Variants in BUB1B observed in about 807,000 individuals in gnomAD.
The protein encoded by BUB1B is mitotic checkpoint serine/threonine-protein kinase BUB1 beta.
Under a neutral mutation model 137.7 loss-of-function variants are expected in BUB1B, and 86 were observed. The observed-to-expected ratio is 0.62, with a 90% CI of 0.52 to 0.75. The LOEUF (loss-of-function observed/expected upper bound fraction) is 0.75. BUB1B is among the 30% of genes least tolerant of loss of function. The probability of loss-of-function intolerance (pLI) is 0.00; values close to 1 mark genes in which losing one functional copy is unlikely to be tolerated. For synonymous variants in BUB1B, 420 were observed against 417.9 expected, an observed-to-expected ratio of 1.00 and a Z score of -0.06; for missense variants, 1,130 against 1,236.9, an observed-to-expected ratio of 0.91 and a Z score of 1.30.
Position 40,214,451 on chromosome 15 carries a change from A to G in BUB1B, c.2678+977A>G, listed in dbSNP as rs1204005625. On this transcript the variant is annotated intron_variant, in intron 20 of 22. Transcript: ENST00000287598. ...TCATTGGTGTTATAGTATTTGAGTA[A>G]AAGCAGCCTGGTTTAAAGATGCTGT... is the stretch of plus-strand genomic sequence containing the variant. Among the ~76,000 whole-genome samples, 2 of 152,148 alleles carry G rather than the reference A, an allele frequency of 1.3e-5. 1 individual carries two copies. The highest frequency in any genetic ancestry group is 2.9e-5 in the Non-Finnish European group (2 of 68,012).
chr15:40,217,765 C>G (rs183886569), intron 21 of BUB1B, 98 bp downstream of exon 21: 6 of 1,389,798 alleles, frequency 4.3e-6, no homozygotes, highest in Non-Finnish European at 6.1e-6. Context: ...GATACCGACT[C>G]CTAGAATAGA....
chr15:40,214,940 T>C (rs980995784), intron 20 of BUB1B, among the ~76,000 whole-genome samples: 1 of 149,300 alleles, frequency 6.7e-6, no homozygotes, highest in Non-Finnish European at 1.5e-5. Flanking sequence ...ATATTTTCAC[T>C]CTACTTAACA....
At chr15:40,173,864 A>T (rs2037193859) in intron 4 of BUB1B, 1 of 378,930 alleles carries the variant, frequency 2.6e-6, no homozygotes, top group South Asian at 2.0e-5. Context: ...AATTCTTCAC[A>T]CTACTTTCTT....
intron 22 of BUB1B, among the ~76,000 whole-genome samples, chr15:40,219,551 C>G (rs984017663): frequency 1.3e-4 from 20 of 152,100 alleles, no homozygotes; most frequent in Non-Finnish European, 2.4e-4. Context: ...AACCTTGTCT[C>G]TACTCAAAAT....
chr15:40,188,582 C>CTTTT (rs773801578), intron 8 of BUB1B, among the ~76,000 whole-genome samples: 1 of 121,724 alleles, frequency 8.2e-6, no homozygotes, highest in Non-Finnish European at 1.7e-5. Context: ...TTTAAGTTTT[C>CTTTT]TTTTTTTTTT....
intron 2 of BUB1B, among the ~76,000 whole-genome samples, chr15:40,166,011 C>A (rs1323239626): frequency 6.6e-6 from 1 of 152,130 alleles, no homozygotes; most frequent in African/African-American, 2.4e-5. Flanking sequence ...CGCCGCCACG[C>A]CTGGGTAATT....
chr15:40,217,372 C>T lies in BUB1B; in HGVS notation c.2679-124C>T. 3.0e-6 allele frequency: 3 copies of T among 998,018 alleles called. No homozygotes were observed. In the South Asian group the frequency reaches 4.0e-5, roughly 13 times the overall value. 61.8% of individuals were successfully genotyped at this position (998,018 alleles called of 1,614,324 possible). ...CTTACAGGTGCATTTTCAAAATTAA[C>T]CACTGGAGGGAGTTGTTGGCATAGC... is the stretch of plus-strand genomic sequence containing the variant. On this transcript the variant is annotated intron_variant, in intron 20 of 22. Transcript: ENST00000287598.
chr15:40,184,586 G>A (rs2140890346), intron 6 of BUB1B, among the ~76,000 whole-genome samples: 1 of 152,064 alleles, frequency 6.6e-6, no homozygotes, highest in East Asian at 1.9e-4. Flanking sequence ...AAACCAGGCT[G>A]TTTTTTTAAT....
intron 2 of BUB1B, among the ~76,000 whole-genome samples, chr15:40,169,090 T>TA (rs1466708892): frequency 8.5e-5 from 13 of 152,350 alleles, no homozygotes. Flanking sequence ...ATCCAATTTT[T>TA]ATTAATCATT....
At chr15:40,188,582 C>CTTTTTTTT (rs773801578) in intron 8 of BUB1B, among the ~76,000 whole-genome samples, 1 of 121,730 alleles carries the variant, frequency 8.2e-6, no homozygotes. Context: ...TTTAAGTTTT[C>CTTTTTTTT]TTTTTTTTTT....
At chr15:40,212,474 A>T in intron 18 of BUB1B, 25 bp from the exon 19 acceptor site, 1 of 1,602,106 alleles carries the variant, frequency 6.2e-7, no homozygotes. Flanking sequence ...AACTGAACTT[A>T]TTTTTAAAAT....
At chr15:40,200,056 C>T in intron 10 of BUB1B, 188 bp from the exon 11 acceptor site, 1 of 638,650 alleles carries the variant, frequency 1.6e-6, no homozygotes, top group East Asian at 2.8e-5. Flanking sequence ...CCTGGCACTG[C>T]TCAGTTGAGT....
At chr15:40,170,503 T>A in intron 3 of BUB1B, 34 bp from the exon 4 acceptor site, 1 of 1,610,182 alleles carries the variant, frequency 6.2e-7, no homozygotes, top group Non-Finnish European at 8.5e-7. Context: ...ATGTTCAATT[T>A]AAAATGTGTT....
At chr15:40,178,633 G>A (rs775404617) in intron 5 of BUB1B, among the ~76,000 whole-genome samples, 5 of 151,972 alleles carry the variant, frequency 3.3e-5, no homozygotes, top group African/African-American at 4.8e-5. Context: ...CTGTCTACTT[G>A]TTATATCAAT....
At chr15:40,197,902 A>C (rs1212914069) in intron 9 of BUB1B, among the ~76,000 whole-genome samples, 1 of 152,188 alleles carries the variant, frequency 6.6e-6, no homozygotes, top group Non-Finnish European at 1.5e-5. Context: ...GCAAAGAAAT[A>C]GGCTAGGAGG....
chr15:40,185,099 A>G (rs2037342711), intron 6 of BUB1B, 66 bp from the exon 7 acceptor site: 5 of 1,359,186 alleles, frequency 3.7e-6, no homozygotes, highest in Non-Finnish European at 5.2e-6. Flanking sequence ...GAATAGGTAT[A>G]CTTTATCTGG....
Position 40,196,880 on chromosome 15 carries a change from T to A in BUB1B, c.1288+106T>A, listed in dbSNP as rs376932606. ...TAACCTTATAGTTTGTACCTTTGTA[T>A]GATGTTTCTATGGTAGTACTGTTTC... is the stretch of plus-strand genomic sequence containing the variant. On this transcript the variant is annotated intron_variant, in intron 9 of 22. Transcript: ENST00000287598. The A allele has an allele frequency of 8.5e-5, 87 of 1,028,916 alleles. No individual in the cohort carries two copies. In the South Asian group the frequency reaches 1.2e-3, roughly 14 times the overall value. The allele number at this position is 1,028,916 out of a possible 1,614,324, so 63.7% of individuals were successfully genotyped here.
intron 8 of BUB1B, among the ~76,000 whole-genome samples, chr15:40,186,741 A>C (rs563716037): frequency 1.1e-4 from 17 of 151,574 alleles, no homozygotes; most frequent in South Asian, 4.2e-4. Context: ...CACTGCGCCC[A>C]GCCCTAGTCC....
intron 8 of BUB1B, among the ~76,000 whole-genome samples, chr15:40,191,837 T>C (rs1275518384): frequency 6.6e-6 from 1 of 152,084 alleles, no homozygotes; most frequent in African/African-American, 2.4e-5. Flanking sequence ...TTTTTGTCTA[T>C]CCTTATGTCA....
Sources: allele counts gnomAD v4.1 joint callset (sites outside exome capture counted in the v4.1 genomes callset), GRCh38; gene constraint gnomAD v4.1.1; transcripts MANE v1.5; gene names NCBI Gene and HGNC (gene_info 2026-07-23, HGNC 2026-07-21).